ZNF433: variants seen among roughly 807,000 people sequenced by gnomAD.
ZNF433 encodes the protein zinc finger protein 433.
A neutral mutation model predicts 10.6 loss-of-function variants in ZNF433; 12 were observed. The observed-to-expected ratio is 1.13, with a 90% CI of 0.72 to 1.83. The LOEUF is 1.83. Ranked by LOEUF, ZNF433 falls within the 40% of genes most tolerant of loss-of-function variation. The pLI, the probability that ZNF433 is intolerant of heterozygous loss-of-function variation, is 0.00. For synonymous variants in ZNF433, 272 were observed against 271.3 expected, an observed-to-expected ratio of 1.00 and a Z score of -0.02; for missense variants, 737 against 798.0, an observed-to-expected ratio of 0.92 and a Z score of 0.92.
chr19:12,017,445 CA>C (rs1222307446), intron 3 of ZNF433, among the ~76,000 whole-genome samples: 2 of 152,152 alleles, frequency 1.3e-5, no homozygotes, highest in African/African-American at 4.8e-5. Flanking sequence ...TCAAGTGACC[CA>C]CCCTCCTCGG....
chr19:12,016,567 T>G lies in ZNF433; in HGVS notation c.291A>C (p.Gly97=). The G allele has an allele frequency of 2.5e-6, 4 of 1,614,168 alleles. No individual in the cohort carries two copies. The highest frequency in any genetic ancestry group is 2.5e-6 in the Non-Finnish European group (3 of 1,180,034). The part of the protein sequence containing the change: ...PDDMLKKTTT[G]VKSCESSVYG... ...ACACACTGCTTTCGCATGATTTTACTCCAGTAGTTGTTTTCTTCAGCATGT... is the reference window on the plus strand; with the variant it reads ...ACACACTGCTTTCGCATGATTTTACGCCAGTAGTTGTTTTCTTCAGCATGT... The change falls in exon 4 of 4, where the codon GGA becomes GGC. Residue 97 remains glycine (G), a synonymous_variant. Coordinates refer to ENST00000550507, the MANE Select transcript of ZNF433 (RefSeq NM_001308348.2).
intron 1 of ZNF433, among the ~76,000 whole-genome samples, chr19:12,033,468 G>A (rs1431314391): frequency 3.3e-5 from 5 of 152,016 alleles, no homozygotes; most frequent in Non-Finnish European, 7.4e-5. Flanking sequence ...GCAGTGAGCA[G>A]AGATTGTGCC....
At chr19:12,026,969 C>T (rs1413364220) in intron 1 of ZNF433, 1 of 454,130 alleles carries the variant, frequency 2.2e-6, no homozygotes, top group Admixed American at 2.3e-5. Flanking sequence ...AGGAGCTAAA[C>T]ATAAGGATTT....
chr19:12,016,739 C>T, intron 3 of ZNF433, 73 bp from the exon 4 acceptor site: 1 of 1,524,866 alleles, frequency 6.6e-7, no homozygotes, highest in South Asian at 1.3e-5. Context: ...AAGTATTGCA[C>T]TTGCATTTTT....
chr19:12,016,112 T>G lies in ZNF433; in HGVS notation c.746A>C (p.Lys249Thr), dbSNP rs758812053. Residue 249 changes from lysine to threonine, a missense_variant, in exon 4 of 4, where the codon AAG becomes ACG. By Grantham distance (78) the Lys-to-Thr change is moderately conservative. Coordinates refer to ENST00000550507, the MANE Select transcript of ZNF433 (RefSeq NM_001308348.2). ...RIHERTHTGEKPYKCNECGKA... is the reference protein window; with the variant it reads ...RIHERTHTGETPYKCNECGKA... ...CCCACATTCATTACATTTATAAGGC[T>G]TCTCCCCAGTGTGAGTTCTTTCATG... The G allele has an allele frequency of 2.1e-5, 34 of 1,614,062 alleles. No individual in the cohort carries two copies. Among genetic ancestry groups the G allele is most frequent in the East Asian group, 1.1e-4 (5 of 44,872 alleles).
rs527530033 is a variant in ZNF433 at position 12,022,718 on chromosome 19, G to A, written c.4-4426C>T. 4.6e-5 allele frequency among the ~76,000 whole-genome samples: 7 copies of A among 152,306 alleles called. No individual in the cohort carries two copies. In the South Asian group the frequency reaches 1.2e-3, roughly 27 times the overall value. On this transcript the variant is annotated intron_variant, in intron 1 of 3. Coordinates refer to ENST00000550507, the MANE Select transcript of ZNF433 (RefSeq NM_001308348.2). ...GTAACCTTTTCACACTGATGAGGAG[G>A]AGGAAGGAAAGTAACAGAAGAGATG... is the stretch of plus-strand genomic sequence containing the variant.
At chr19:12,030,270 G>GCCGGAGC (rs1186640059) in intron 1 of ZNF433, 15 of 394,096 alleles carry the variant, frequency 3.8e-5, no homozygotes, top group Non-Finnish European at 6.4e-5. Context: ...CACCAGGATG[G>GCCGGAGC]AGTGCAGTGG....
At chr19:12,018,398 T>C in intron 1 of ZNF433, 106 bp from the exon 2 acceptor site, 2 of 1,349,392 alleles carry the variant, frequency 1.5e-6, no homozygotes, top group Non-Finnish European at 2.0e-6. Flanking sequence ...CTCAAAACAA[T>C]TATTCCATGA....
chr19:12,029,403 C>T (rs780765556), intron 1 of ZNF433, among the ~76,000 whole-genome samples: 53 of 151,778 alleles, frequency 3.5e-4, no homozygotes, highest in Non-Finnish European at 6.0e-4. Flanking sequence ...TGCCTGTAGT[C>T]CCAGCTACTC....
intron 1 of ZNF433, among the ~76,000 whole-genome samples, chr19:12,021,569 G>T (rs374425086): frequency 6.6e-6 from 1 of 152,084 alleles, no homozygotes; most frequent in Non-Finnish European, 1.5e-5. Context: ...ATTACGTGTC[G>T]TGAGAACTGT....
chr19:12,023,179 G>A (rs539431226), intron 1 of ZNF433: 6 of 152,366 alleles, frequency 3.9e-5, no homozygotes, highest in African/African-American at 1.4e-4. Flanking sequence ...ACCACAGCCA[G>A]TAGTGCCACG....
chr19:12,017,142 C>A (rs754066548), intron 3 of ZNF433, among the ~76,000 whole-genome samples: 12 of 152,088 alleles, frequency 7.9e-5, no homozygotes, highest in Non-Finnish European at 1.8e-4. Flanking sequence ...GATGGCCCAG[C>A]CATATCTATT....
chr19:12,035,224 G>T (rs1975228911), intron 1 of ZNF433, among the ~76,000 whole-genome samples: 1 of 152,192 alleles, frequency 6.6e-6, no homozygotes, highest in Admixed American at 6.5e-5. Flanking sequence ...CCCGAGGCGG[G>T]ATCCCCCCAT....
At position 12,016,268 on chromosome 19, in the gene ZNF433, C is replaced by G; in HGVS notation, c.590G>C (p.Cys197Ser). ...CATCAAGGCTTTCCCACAAAATTTA[C>G]ACTTATAAGGTCCATCTCCACGGTG... ...IMHRGDGPYK[C>S]KFCGKALMFL... Residue 197 changes from cysteine to serine, a missense_variant, in exon 4 of 4, where the codon TGT (cysteine) becomes TCT (serine). Transcript: ENST00000550507. 6.2e-7 allele frequency: 1 copy of G among 1,614,198 alleles called. No homozygotes were observed. Among genetic ancestry groups the G allele is most frequent in the South Asian group, 1.1e-5 (1 of 91,082 alleles).
At chr19:12,017,788 CTT>C (rs1407203510) in intron 3 of ZNF433, 86 bp downstream of exon 3, 2 of 875,296 alleles carry the variant, frequency 2.3e-6, no homozygotes, top group African/African-American at 3.9e-5. Context: ...GTGCTTATTT[CTT>C]TTGTTTCCTT....
At position 12,014,924 on chromosome 19, in the gene ZNF433, C is replaced by T. The variant is rs200300680; in HGVS notation, c.1934G>A (p.Cys645Tyr). Residue 645 changes from cysteine to tyrosine, a missense_variant, in exon 4 of 4, where the codon TGT becomes TAT. By Grantham distance (194) the Cys-to-Tyr change is radical (BLOSUM62 -2). Transcript: ENST00000550507. Reference protein sequence around the residue: ...RTHTGEKPYKCNQCGKVFRCS... With the variant: ...RTHTGEKPYKYNQCGKVFRCS... ...TCTAAAGACTTTACCACATTGGTTACATTTATAGGGTTTCTCTCCAGTGTG... is the reference window on the plus strand; with the variant it reads ...TCTAAAGACTTTACCACATTGGTTATATTTATAGGGTTTCTCTCCAGTGTG... 1.5e-4 allele frequency: 240 copies of T among 1,613,964 alleles called. 1 individual carries two copies. The highest frequency in any genetic ancestry group is 4.9e-4 in the Middle Eastern group (3 of 6,062).
intron 1 of ZNF433, among the ~76,000 whole-genome samples, chr19:12,032,945 A>G (rs974063640): frequency 6.6e-6 from 1 of 152,190 alleles, no homozygotes; most frequent in African/African-American, 2.4e-5. Flanking sequence ...TGCTGACTAG[A>G]AAGAACACAG....
intron 1 of ZNF433, chr19:12,027,872 T>G (rs955030391): frequency 3.2e-4 from 49 of 152,178 alleles, no homozygotes; most frequent in African/African-American, 9.4e-4. Context: ...TTGCATGTCT[T>G]TCTTCCATTT....
chr19:12,035,233 A>T (rs1275831573), intron 1 of ZNF433, among the ~76,000 whole-genome samples: 1 of 152,100 alleles, frequency 6.6e-6, no homozygotes, highest in African/African-American at 2.4e-5. Flanking sequence ...GGATCCCCCC[A>T]TGACCCTCGC....
Sources: allele counts gnomAD v4.1 joint callset (sites outside exome capture counted in the v4.1 genomes callset), GRCh38; gene constraint gnomAD v4.1.1; transcripts MANE v1.5; gene names NCBI Gene and HGNC (gene_info 2026-07-23, HGNC 2026-07-21).